The following NSG1 variants were observed in gnomAD, a reference collection of about 807,000 sequenced individuals.
NSG1 encodes neuronal vesicle trafficking associated 1.
In NSG1, 9 loss-of-function variants were observed where a neutral mutation model predicts 19.3. The ratio of observed to expected loss-of-function variants is 0.47; its 90% CI spans 0.28 to 0.81. The LOEUF is 0.81. Among genes scored for constraint, NSG1 ranks in the 40% least tolerant of loss-of-function variants. The pLI, the probability that NSG1 is intolerant of heterozygous loss-of-function variation, is 0.11. For missense variants in NSG1, 236 were observed against 242.4 expected (o/e 0.97, Z 0.18); for synonymous variants, 104 against 107.0 (o/e 0.97, Z 0.17).
At chr4:4,397,255 G>A (rs776601968) in intron 3 of NSG1, among the ~76,000 whole-genome samples, 1 of 151,782 alleles carries the variant, frequency 6.6e-6, no homozygotes, top group Admixed American at 6.6e-5. Context: ...GCCACCCAGC[G>A]CCGTCGACCT....
intron 4 of NSG1, among the ~76,000 whole-genome samples, chr4:4,413,113 A>G (rs1030855441): frequency 3.3e-5 from 5 of 152,016 alleles, no homozygotes; most frequent in African/African-American, 1.2e-4. Context: ...CTATTGTTCT[A>G]GGCGCTGGAA....
chr4:4,387,434 C>A (rs1722778543), intron 1 of NSG1, among the ~76,000 whole-genome samples, 170 bp from the exon 2 acceptor site: 1 of 152,144 alleles, frequency 6.6e-6, no homozygotes, highest in Non-Finnish European at 1.5e-5. Context: ...CAGCACCACC[C>A]GACCCCCGCA....
intron 3 of NSG1, among the ~76,000 whole-genome samples, chr4:4,408,686 CTG>C (rs1338102319): frequency 4.6e-5 from 7 of 152,222 alleles, no homozygotes; most frequent in Non-Finnish European, 8.8e-5. Context: ...TGTCGAATTC[CTG>C]ACCTCAGGTG....
rs766788791 is a variant in NSG1 at position 4,391,609 on chromosome 4, G to C, written c.246+18G>C. 1.3e-6 allele frequency: 2 copies of C among 1,522,612 alleles called. No homozygotes were observed. The highest frequency in any genetic ancestry group is 1.8e-6 in the Non-Finnish European group (2 of 1,111,636). 94.3% of individuals were successfully genotyped at this position (1,522,612 alleles called of 1,614,324 possible). A position where few individuals can be genotyped will look rare whatever the true frequency, so the allele number is the denominator to read the frequency against. ...GGTTTAAGGTGAGTGGTCCTGTGCT[G>C]GGTGAGATGCTGCTTTTGCCCCCAG... On this transcript the variant is annotated intron_variant, in intron 3 of 4. Coordinates refer to ENST00000621129, the MANE Select transcript of NSG1 (RefSeq NM_014392.5).
Position 4,417,407 on chromosome 4 carries a change from A to G in NSG1, c.530A>G (p.Glu177Gly), listed in dbSNP as rs757744145. ...TCAGAAGAGAAGCTGTCCGAGCAGG[A>G]GACTGAAGCGGCTGAGAAGTCAGCT... is the stretch of plus-strand genomic sequence containing the variant. ...VLSEEKLSEQETEAAEKSA is the reference protein window; with the variant it reads ...VLSEEKLSEQGTEAAEKSA Residue 177 changes from glutamate to glycine, a missense_variant, in exon 5 of 5, where the codon GAG becomes GGG. Glu to Gly is a moderately conservative substitution (Grantham distance 98, BLOSUM62 -2). Coordinates refer to ENST00000621129, the MANE Select transcript of NSG1 (RefSeq NM_014392.5). 1 of 1,614,244 alleles carries G rather than the reference A, an allele frequency of 6.2e-7. No homozygotes were observed. Among genetic ancestry groups the G allele is most frequent in the South Asian group, 1.1e-5 (1 of 91,088 alleles).
chr4:4,407,305 C>G (rs1308373553), intron 3 of NSG1, among the ~76,000 whole-genome samples: 1 of 152,178 alleles, frequency 6.6e-6, no homozygotes, highest in African/African-American at 2.4e-5. Flanking sequence ...AATCTGCCTG[C>G]CAGGGGCCTG....
At chr4:4,402,809 A>T (rs1723640072) in intron 3 of NSG1, among the ~76,000 whole-genome samples, 1 of 152,176 alleles carries the variant, frequency 6.6e-6, no homozygotes, top group African/African-American at 2.4e-5. Flanking sequence ...GCTTCTAAGG[A>T]AATGCGCTTC....
At chr4:4,394,029 T>C (rs954916758) in intron 3 of NSG1, among the ~76,000 whole-genome samples, 4 of 152,196 alleles carry the variant, frequency 2.6e-5, no homozygotes, top group Non-Finnish European at 5.9e-5. Context: ...ACACTCCTAA[T>C]GCTCATATTG....
intron 3 of NSG1, among the ~76,000 whole-genome samples, chr4:4,402,136 G>A (rs1035930986): frequency 1.4e-5 from 2 of 147,002 alleles, no homozygotes; most frequent in Admixed American, 6.9e-5. Flanking sequence ...TGATCCTCTC[G>A]CTTCGGCCTC....
At position 4,398,332 on chromosome 4, in the gene NSG1, C is replaced by T. The variant is rs565541924; in HGVS notation, c.246+6741C>T. Among the ~76,000 whole-genome samples the T allele has an allele frequency of 3.3e-5, 5 of 152,270 alleles. No homozygotes were observed. In the South Asian group the frequency reaches 1.0e-3, roughly 32 times the overall value. On this transcript the variant is annotated intron_variant, in intron 3 of 4. Transcript: ENST00000621129. ...TTTAAGGTAAGTGCCATATTAAATT[C>T]AGTGCCATTTAATACATTCACCATG... is the stretch of plus-strand genomic sequence containing the variant.
intron 3 of NSG1, among the ~76,000 whole-genome samples, chr4:4,401,123 C>T (rs1371207112): frequency 1.3e-5 from 2 of 152,222 alleles, no homozygotes; most frequent in South Asian, 2.1e-4. Context: ...AAATCCCTGC[C>T]CAGCAGCTAT....
rs910801789 is a variant in NSG1, at chr4:4,409,806, G to C, written c.357+123G>C. 21 of 751,292 alleles carry C rather than the reference G, an allele frequency of 2.8e-5. No individual in the cohort carries two copies. In the African/African-American group the frequency reaches 3.1e-4, roughly 11 times the overall value. 46.5% of individuals were successfully genotyped at this position (751,292 alleles called of 1,614,324 possible). ...CCCACGGACAGGCCTTAGAGCAGCA[G>C]GGGGCCAGTGTCAGGAGTGTCCCTG... is the stretch of plus-strand genomic sequence containing the variant. On this transcript the variant is annotated intron_variant, in intron 4 of 4. Transcript: ENST00000621129.
At chr4:4,404,778 A>G (rs1194814917) in intron 3 of NSG1, among the ~76,000 whole-genome samples, 6 of 152,142 alleles carry the variant, frequency 3.9e-5, no homozygotes, top group African/African-American at 1.4e-4. Context: ...TTTCACTTTA[A>G]TTAGGAAAAA....
intron 3 of NSG1, among the ~76,000 whole-genome samples, chr4:4,408,337 ATACGAT>A (rs1723978716): frequency 1.3e-5 from 2 of 152,160 alleles, no homozygotes; most frequent in Non-Finnish European, 2.9e-5. Flanking sequence ...GTGCATGTTC[ATACGAT>A]TACGGAGGCC....
chr4:4,394,941 C>T (rs1019334055), intron 3 of NSG1, among the ~76,000 whole-genome samples: 5 of 152,214 alleles, frequency 3.3e-5, no homozygotes, highest in African/African-American at 1.2e-4. Context: ...AGACAGGTGA[C>T]CTGCTCAAGA....
intron 3 of NSG1, among the ~76,000 whole-genome samples, chr4:4,402,190 G>T (rs1723584052): frequency 6.9e-6 from 1 of 144,808 alleles, no homozygotes; most frequent in Non-Finnish European, 1.5e-5. Flanking sequence ...ACCCAGCCTG[G>T]TTTCTTATTT....
At chr4:4,411,152 A>T (rs7673506) in intron 4 of NSG1, among the ~76,000 whole-genome samples, 1 of 152,008 alleles carries the variant, frequency 6.6e-6, no homozygotes, top group African/African-American at 2.4e-5. Flanking sequence ...CACCACACTC[A>T]GCCAATAAAC....
At chr4:4,398,370 C>T (rs929356010) in intron 3 of NSG1, among the ~76,000 whole-genome samples, 7 of 152,170 alleles carry the variant, frequency 4.6e-5, no homozygotes, top group Non-Finnish European at 8.8e-5. Context: ...GTCCAACCAC[C>T]ATCACTAAGC....
intron 3 of NSG1, among the ~76,000 whole-genome samples, chr4:4,395,662 C>T (rs1207328330): frequency 2.0e-5 from 3 of 152,086 alleles, no homozygotes; most frequent in South Asian, 2.1e-4. Flanking sequence ...AGGGCCCAGT[C>T]GAAGCTGTGG....
Sources: gnomAD v4.1 joint callset for allele counts (sites outside exome capture counted in the v4.1 genomes callset) on GRCh38, gnomAD v4.1.1 for gene constraint, MANE v1.5 for transcripts, NCBI Gene and HGNC (gene_info 2026-07-23, HGNC 2026-07-21) for gene names.